Variants in LRP5 observed in about 807,000 individuals in gnomAD.
The protein encoded by LRP5 is low-density lipoprotein receptor-related protein 5.
Under a neutral mutation model 154.1 loss-of-function variants are expected in LRP5, and 62 were observed. The ratio of observed to expected loss-of-function variants is 0.40; its 90% CI spans 0.33 to 0.50. The LOEUF (loss-of-function observed/expected upper bound fraction) is 0.50, where lower values mean the gene tolerates loss of function less well. LRP5 is among the 20% of genes least tolerant of loss of function. LRP5 has a pLI of 0.55. For synonymous variants in LRP5, 966 were observed against 1,011.5 expected (o/e 0.96, Z 0.85); for missense variants, 1,915 against 2,336.7 (o/e 0.82, Z 3.72).
At chr11:68,372,539 A>G (rs2098634839) in intron 5 of LRP5, among the ~76,000 whole-genome samples, 1 of 143,480 alleles carries the variant, frequency 7.0e-6, no homozygotes, top group Non-Finnish European at 1.5e-5. Context: ...CTGACCTTCT[A>G]TTTTTTGTCA....
chr11:68,348,232 C>T lies in LRP5; in HGVS notation c.477C>T (p.Asp159=). 1 of 1,606,202 alleles carries T rather than the reference C, an allele frequency of 6.2e-7. No homozygotes were observed. The highest frequency in any genetic ancestry group is 8.5e-7 in the Non-Finnish European group (1 of 1,179,992). ...ACCAGCCGAGGGCCATCGCCTTGGA[C>T]CCCGCTCACGGGTAAACCCTGCTGC... ...DLDQPRAIAL[D]PAHGYMYWTD... Residue 159 remains aspartate (D), a synonymous_variant, in exon 2 of 23, where the codon GAC becomes GAT. Coordinates refer to ENST00000294304, the MANE Select transcript of LRP5 (RefSeq NM_002335.4).
At chr11:68,445,769 T>TG (rs2098681113) in intron 21 of LRP5, 4 of 812,768 alleles carry the variant, frequency 4.9e-6, no homozygotes, top group Admixed American at 2.6e-5. Context: ...TGCCTGGACC[T>TG]GGGGGGCACG....
intron 1 of LRP5, among the ~76,000 whole-genome samples, chr11:68,345,523 G>T (rs1408218635): frequency 6.6e-6 from 1 of 151,946 alleles, no homozygotes; most frequent in African/African-American, 2.4e-5. Flanking sequence ...CTGACCTCAG[G>T]TGATCCACCC....
chr11:68,314,280 G>C (rs1174167031), intron 1 of LRP5, among the ~76,000 whole-genome samples: 1 of 152,130 alleles, frequency 6.6e-6, no homozygotes, highest in Non-Finnish European at 1.5e-5. Context: ...TGTTGCTGGA[G>C]TCAAATGCCT....
At chr11:68,427,636 C>T (rs525592) in intron 16 of LRP5, among the ~76,000 whole-genome samples, 53,646 of 151,588 alleles carry the variant, frequency 0.35, 10,587 homozygotes, top group African/African-American at 0.51. Context: ...GCCAAAATTA[C>T]GCCACTGCAC....
chr11:68,316,686 C>G (rs2098593601), intron 1 of LRP5, among the ~76,000 whole-genome samples: 1 of 152,252 alleles, frequency 6.6e-6, no homozygotes. Context: ...TCCCAGCCGG[C>G]ACGAGCAGGT....
At chr11:68,431,543 C>T (rs967311889) in intron 17 of LRP5, among the ~76,000 whole-genome samples, 6 of 152,086 alleles carry the variant, frequency 3.9e-5, no homozygotes, top group African/African-American at 1.4e-4. Context: ...CCCGGAGTGC[C>T]GGTTGTTTTT....
intron 2 of LRP5, among the ~76,000 whole-genome samples, chr11:68,349,435 G>A (rs554559885): frequency 9.2e-5 from 14 of 152,304 alleles, no homozygotes; most frequent in East Asian, 3.9e-4. Context: ...TATGGTGGGC[G>A]GCCTGGGAAG....
intron 8 of LRP5, 134 bp from the exon 9 acceptor site, chr11:68,406,390 A>AC (rs1221222357): frequency 1.1e-6 from 1 of 945,202 alleles, no homozygotes; most frequent in African/African-American, 1.6e-5. Context: ...GTCGGACCTG[A>AC]CCCGGGGGTG....
At position 68,351,301 on chromosome 11, in the gene LRP5, C is replaced by T. The variant is rs922654188; in HGVS notation, c.488+3058C>T. 1.3e-4 allele frequency among the ~76,000 whole-genome samples: 20 copies of T among 152,120 alleles called. No individual in the cohort carries two copies. In the East Asian group the frequency reaches 2.5e-3, roughly 19 times the overall value. On this transcript the variant is annotated intron_variant, in intron 2 of 22. Coordinates refer to ENST00000294304, the MANE Select transcript of LRP5 (RefSeq NM_002335.4). Reference sequence around the variant, plus strand: ...GTGGGCTAGCCACCCCTGCAGCTGCCGGGGAGCCAGCTGACCTCCGGGGCA... The same window carrying T: ...GTGGGCTAGCCACCCCTGCAGCTGCTGGGGAGCCAGCTGACCTCCGGGGCA...
chr11:68,383,275 C>A (rs1042989396), intron 5 of LRP5, among the ~76,000 whole-genome samples: 1 of 152,132 alleles, frequency 6.6e-6, no homozygotes, highest in Non-Finnish European at 1.5e-5. Context: ...CTGGCACTGG[C>A]GTTCTCTGTG....
At chr11:68,321,877 C>G (rs930062497) in intron 1 of LRP5, among the ~76,000 whole-genome samples, 2 of 152,188 alleles carry the variant, frequency 1.3e-5, no homozygotes, top group African/African-American at 4.8e-5. Context: ...GCATTAATAG[C>G]TATCTGAGCG....
the LRP5 span, among the ~76,000 whole-genome samples, chr11:68,306,445 C>T: frequency 6.6e-6 from 1 of 152,196 alleles, no homozygotes; most frequent in Non-Finnish European, 1.5e-5. Context: ...CTCTGCTTTT[C>T]TTTTCTAAGG....
intron 16 of LRP5, 97 bp downstream of exon 16, chr11:68,426,284 C>T: frequency 9.4e-7 from 1 of 1,058,790 alleles, no homozygotes; most frequent in South Asian, 1.5e-5. Flanking sequence ...TGGCCTCAGC[C>T]AGGCGGTGGT....
upstream of LRP5, among the ~76,000 whole-genome samples, chr11:68,312,413 G>GGCGGGGAGC (rs1291895034): frequency 1.3e-5 from 2 of 150,546 alleles, no homozygotes; most frequent in Non-Finnish European, 3.0e-5. Flanking sequence ...TCCAGGGCAG[G>GGCGGGGAGC]GCGGGGAGCG....
At chr11:68,385,285 G>A (rs1336177494) in intron 5 of LRP5, among the ~76,000 whole-genome samples, 1 of 152,104 alleles carries the variant, frequency 6.6e-6, no homozygotes, top group East Asian at 1.9e-4. Flanking sequence ...GTGGAGGGGC[G>A]TGACCTCAAG....
At chr11:68,441,886 C>A (rs1364934585) in intron 21 of LRP5, among the ~76,000 whole-genome samples, 1 of 152,204 alleles carries the variant, frequency 6.6e-6, no homozygotes, top group Non-Finnish European at 1.5e-5. Flanking sequence ...TGCATGAAGC[C>A]AGCTGTTTTT....
rs376709985 is a variant in LRP5, at chr11:68,386,410, C to T, written c.1110C>T (p.Asp370=). 2.2e-5 allele frequency: 36 copies of T among 1,613,858 alleles called. No homozygotes were observed. The highest frequency in any genetic ancestry group is 2.0e-4 in the East Asian group (9 of 44,886). ...PDFTDIVLQV[D]DIRHAIAIDY... ...TCACCGACATCGTGCTGCAGGTGGACGACATCCGGCACGCCATTGCCATCG... is the reference window on the plus strand; with the variant it reads ...TCACCGACATCGTGCTGCAGGTGGATGACATCCGGCACGCCATTGCCATCG... The change falls in exon 6 of 23, where the codon GAC becomes GAT. Residue 370 remains aspartate (D), a synonymous_variant. Coordinates refer to ENST00000294304, the MANE Select transcript of LRP5 (RefSeq NM_002335.4). The surrounding 1 kb of genome is among the most constrained non-coding windows in gnomAD (Gnocchi z 7.9).
intron 5 of LRP5, among the ~76,000 whole-genome samples, chr11:68,384,105 C>T (rs985467450): frequency 5.3e-5 from 8 of 152,118 alleles, no homozygotes; most frequent in African/African-American, 1.9e-4. Flanking sequence ...TCGCTGTTGC[C>T]ATCACGTGGG....
Sources: gnomAD v4.1 joint callset for allele counts (sites outside exome capture counted in the v4.1 genomes callset) on GRCh38, gnomAD v4.1.1 for gene constraint, Gnocchi (gnomAD v3.1) non-coding constraint, MANE v1.5 for transcripts, NCBI Gene and HGNC (gene_info 2026-07-23, HGNC 2026-07-21) for gene names.